The following KIFC3 variants were observed in gnomAD, a reference collection of about 807,000 sequenced individuals.
KIFC3 encodes the protein kinesin family member C3, also known as kinesin-like protein KIFC3.
A neutral mutation model predicts 101.8 loss-of-function variants in KIFC3; 60 were observed. The ratio of observed to expected loss-of-function variants is 0.59; its 90% confidence interval spans 0.48 to 0.73. KIFC3 has a LOEUF of 0.73. Ranked by LOEUF, KIFC3 falls within the 30% of genes least tolerant of loss-of-function variation. The pLI is 0.00. For missense variants in KIFC3, 966 were observed against 1,137.1 expected, an observed-to-expected ratio of 0.85 and a Z score of 2.16; for synonymous variants, 476 against 482.7, an observed-to-expected ratio of 0.99 and a Z score of 0.18.
rs782004932 is a variant in KIFC3, at chr16:57,758,580, G to T, written c.*354C>A. On this transcript the variant is annotated 3_prime_UTR_variant, in exon 20 of 20. Transcript: ENST00000445690. The stretch of plus-strand genomic sequence containing the variant: ...GGCCAGCTCTGCAAGCTGAGGAGAG[G>T]GGCCGAGAAAGCCTGGGTGAGAGGC... 1.5e-6 allele frequency: 1 copy of T among 668,528 alleles called. No individual in the cohort carries two copies. The highest frequency in any genetic ancestry group is 1.5e-5 in the South Asian group (1 of 66,394). The allele number at this position is 668,528 out of a possible 1,614,324, so 41.4% of individuals were successfully genotyped here. A position where few individuals can be genotyped will look rare whatever the true frequency, so the allele number is the denominator to read the frequency against.
chr16:57,832,933 C>G (rs2055613890), intron 1 of KIFC3, among the ~76,000 whole-genome samples: 1 of 152,094 alleles, frequency 6.6e-6, no homozygotes, highest in Non-Finnish European at 1.5e-5. Context: ...GCCGGCCAGG[C>G]TCGGTGGCTC....
intron 3 of KIFC3, among the ~76,000 whole-genome samples, chr16:57,787,074 C>A (rs1210222015): frequency 1.3e-5 from 2 of 152,346 alleles, no homozygotes; most frequent in East Asian, 1.9e-4. Flanking sequence ...CAAGCTCCTG[C>A]GATCTGTTCT....
intron 2 of KIFC3, among the ~76,000 whole-genome samples, chr16:57,795,889 T>TTTTTG (rs1568047819): frequency 1.2e-5 from 1 of 81,538 alleles, no homozygotes; most frequent in African/African-American, 3.2e-5. Flanking sequence ...TTTTTGTTTT[T>TTTTTG]TTTTTTTTTT....
At chr16:57,785,354 G>T in intron 3 of KIFC3, 1 of 516,126 alleles carries the variant, frequency 1.9e-6, no homozygotes, top group Non-Finnish European at 2.7e-6. Flanking sequence ...CGAGACCCCA[G>T]CTATCTCCTC....
At chr16:57,815,387 T>C (rs1242746563) in intron 1 of KIFC3, 30 of 1,149,342 alleles carry the variant, frequency 2.6e-5, no homozygotes, top group South Asian at 3.3e-5. Flanking sequence ...TGCTTAGAGA[T>C]CCACACCGCA....
rs1555591129 is a variant in KIFC3 at position 57,758,638 on chromosome 16, G to A, written c.*296C>T. On this transcript the variant is annotated 3_prime_UTR_variant, in exon 20 of 20. Coordinates refer to ENST00000445690, the MANE Select transcript of KIFC3 (RefSeq NM_001130100.2). The stretch of plus-strand genomic sequence containing the variant: ...CCTCCACACTCCCGCCCTCCTCACG[G>A]GGCCCAGTTCGCTGATGGCCCAGGC... 8.6e-6 allele frequency: 6 copies of A among 699,890 alleles called. No homozygotes were observed. The highest frequency in any genetic ancestry group is 1.6e-5 in the Non-Finnish European group (6 of 383,992). The allele number at this position is 699,890 out of a possible 1,614,324, so 43.4% of individuals were successfully genotyped here.
intron 16 of KIFC3, 98 bp downstream of exon 16, chr16:57,760,628 C>T (rs1219827157): frequency 2.0e-5 from 23 of 1,170,024 alleles, no homozygotes; most frequent in Non-Finnish European, 2.2e-5. Flanking sequence ...GGTCTAGGGG[C>T]GGGGAGGTCC....
At chr16:57,858,245 G>T (rs2056221143) in intron 1 of KIFC3, among the ~76,000 whole-genome samples, 2 of 152,108 alleles carry the variant, frequency 1.3e-5, no homozygotes, top group African/African-American at 4.8e-5. Context: ...AAGAAATTTA[G>T]CTTCTTTTAG....
Position 57,794,722 on chromosome 16 carries a change from C to T in KIFC3, c.315+277G>A, listed in dbSNP as rs562637448. ...CTGCCTGTTTTCCCAATACCTTCTC[C>T]AAGCTCTGCCCATCTCAGCTAAGGC... On this transcript the variant is annotated intron_variant, in intron 3 of 19. Transcript: ENST00000445690. Among the ~76,000 whole-genome samples, 23 of 152,334 alleles carry T rather than the reference C, an allele frequency of 1.5e-4. No individual in the cohort carries two copies. In the East Asian group the frequency reaches 4.0e-3, roughly 27 times the overall value.
intron 1 of KIFC3, 92 bp from the exon 2 acceptor site, chr16:57,798,374 C>G: frequency 8.5e-7 from 1 of 1,169,910 alleles, no homozygotes; most frequent in Non-Finnish European, 1.2e-6. Context: ...GGGTCTACGC[C>G]CCACCGGTCG....
chr16:57,861,362 C>T (rs1019020975), intron 1 of KIFC3, among the ~76,000 whole-genome samples: 11 of 152,160 alleles, frequency 7.2e-5, no homozygotes, highest in African/African-American at 2.7e-4. Flanking sequence ...TTGGCTTTAC[C>T]CAGCCTTTAT....
intron 1 of KIFC3, among the ~76,000 whole-genome samples, chr16:57,833,924 A>G (rs1364283463): frequency 7.0e-6 from 1 of 142,900 alleles, no homozygotes. Flanking sequence ...CTGGAGTGCA[A>G]TGGCATGATC....
At chr16:57,798,026 G>T in intron 2 of KIFC3, 46 bp downstream of exon 2, 1 of 1,558,316 alleles carries the variant, frequency 6.4e-7, no homozygotes, top group East Asian at 2.4e-5. Flanking sequence ...CTGGTATCTG[G>T]AGGAAGGAAG....
chr16:57,772,156 T>C, intron 4 of KIFC3, 67 bp downstream of exon 4: 4 of 1,398,882 alleles, frequency 2.9e-6, no homozygotes, highest in Admixed American at 3.7e-5. Context: ...CCCCTGCCCC[T>C]GGCAGGGCCC....
chr16:57,788,728 C>T (rs1555618927), intron 3 of KIFC3: 2 of 1,289,286 alleles, frequency 1.6e-6, no homozygotes, highest in Non-Finnish European at 1.0e-6. Flanking sequence ...CAAGACACAA[C>T]CAGAATCCTC....
intron 3 of KIFC3, among the ~76,000 whole-genome samples, chr16:57,780,203 C>T (rs141007748): frequency 1.6e-3 from 241 of 152,256 alleles, no homozygotes; most frequent in African/African-American, 5.1e-3. Flanking sequence ...TGCTGCTGAA[C>T]GTTACTCTCA....
intron 3 of KIFC3, chr16:57,788,745 A>C: frequency 7.8e-7 from 1 of 1,288,464 alleles, no homozygotes; most frequent in African/African-American, 1.5e-5. Flanking sequence ...CCTCACGTGA[A>C]GGAGACTGTG....
intron 3 of KIFC3, among the ~76,000 whole-genome samples, chr16:57,794,275 C>T (rs1340296719): frequency 6.6e-6 from 1 of 151,552 alleles, no homozygotes; most frequent in Non-Finnish European, 1.5e-5. Flanking sequence ...CTCTGTCACG[C>T]AGGCTGGAGT....
At chr16:57,785,612 G>A (rs1034720069) in intron 3 of KIFC3, 25 of 1,270,220 alleles carry the variant, frequency 2.0e-5, no homozygotes, top group South Asian at 1.3e-4. Context: ...CATGGGGGCC[G>A]CACCTGGTGG....
Sources: allele counts gnomAD v4.1 joint callset (sites outside exome capture counted in the v4.1 genomes callset), GRCh38; gene constraint gnomAD v4.1.1; transcripts MANE v1.5; gene names NCBI Gene and HGNC (gene_info 2026-07-23, HGNC 2026-07-21).